The following OPCML variants were observed in gnomAD, a reference collection of about 807,000 sequenced individuals.
OPCML encodes opioid binding protein/cell adhesion molecule like.
A neutral mutation model predicts 37.8 loss-of-function variants in OPCML; 13 were observed. The ratio of observed to expected loss-of-function variants is 0.34; its 90% confidence interval spans 0.22 to 0.55. The LOEUF (loss-of-function observed/expected upper bound fraction) is 0.55. Ranked by LOEUF, OPCML falls within the 20% of genes least tolerant of loss-of-function variation. The pLI is 0.91. For missense variants in OPCML, 341 were observed against 435.6 expected (o/e 0.78, Z 1.93); for synonymous variants, 176 against 168.8 (o/e 1.04, Z -0.33).
chr11:133,436,402 G>A (rs1346189685), intron 1 of OPCML, among the ~76,000 whole-genome samples: 3 of 152,110 alleles, frequency 2.0e-5, no homozygotes, highest in African/African-American at 4.8e-5. Flanking sequence ...CTCATCCCAA[G>A]GCTTTTATAT....
intron 1 of OPCML, among the ~76,000 whole-genome samples, chr11:133,495,056 CT>C (rs994277933): frequency 7.2e-5 from 11 of 151,732 alleles, no homozygotes; most frequent in Non-Finnish European, 1.0e-4. Flanking sequence ...CCCTTGCCCC[CT>C]GCCACTCTTT....
At chr11:132,433,207 G>A (rs1353361258) in intron 7 of OPCML, among the ~76,000 whole-genome samples, 1 of 152,186 alleles carries the variant, frequency 6.6e-6, no homozygotes, top group Admixed American at 6.5e-5. Flanking sequence ...GCGATAGCAT[G>A]GGCCATGTCA....
intron 1 of OPCML, chr11:133,361,393 G>A (rs1172813952): frequency 6.6e-6 from 1 of 152,476 alleles, no homozygotes; most frequent in African/African-American, 2.4e-5. Flanking sequence ...CCAACGTCGG[G>A]GTCACTGTGC....
At chr11:133,505,654 A>T (rs1484022636) in intron 1 of OPCML, among the ~76,000 whole-genome samples, 1 of 152,228 alleles carries the variant, frequency 6.6e-6, no homozygotes, top group Admixed American at 6.5e-5. Flanking sequence ...ATTGGCCTCC[A>T]GTGCCCCTGT....
At chr11:133,334,679 C>A (rs1324588873) in intron 1 of OPCML, among the ~76,000 whole-genome samples, 1 of 152,090 alleles carries the variant, frequency 6.6e-6, no homozygotes, top group Non-Finnish European at 1.5e-5. Context: ...ACACTTTAAC[C>A]CATTGGCCTC....
At chr11:133,372,022 G>T (rs964611544) in intron 1 of OPCML, among the ~76,000 whole-genome samples, 1 of 152,098 alleles carries the variant, frequency 6.6e-6, no homozygotes, top group African/African-American at 2.4e-5. Context: ...GGCTGAGAAG[G>T]GTGTGGGGGG....
chr11:132,507,612 T>TG (rs1009761518), intron 4 of OPCML, among the ~76,000 whole-genome samples: 2 of 151,728 alleles, frequency 1.3e-5, no homozygotes, highest in African/African-American at 4.8e-5. Context: ...TTTTTAAAAT[T>TG]GCCAAAAAAT....
chr11:133,222,299 T>C (rs903677839), intron 1 of OPCML, among the ~76,000 whole-genome samples: 1 of 152,162 alleles, frequency 6.6e-6, no homozygotes, highest in Admixed American at 6.5e-5. Context: ...GTTTCAGAGA[T>C]GCAGGGTGGT....
intron 1 of OPCML, among the ~76,000 whole-genome samples, chr11:132,953,281 T>C (rs1945901982): frequency 6.6e-6 from 1 of 152,148 alleles, no homozygotes; most frequent in African/African-American, 2.4e-5. Context: ...AGAACTGATG[T>C]CCACTCTCCA....
Position 132,419,461 on chromosome 11 carries a change from A to G in OPCML, c.*732T>C, listed in dbSNP as rs2095949841. 1 of 152,206 alleles carries G rather than the reference A, an allele frequency of 6.6e-6. No homozygotes were observed. The highest frequency in any genetic ancestry group is 2.4e-5 in the African/African-American group (1 of 41,464). The allele number at this position is 152,206 out of a possible 1,614,324, so 9.4% of individuals were successfully genotyped here. Reference sequence around the variant, plus strand: ...TGAGTTGAACTTCTCTTTTTAAAATAGAGGTTCTATCTTCAAAATGCCTCC... The same window carrying G: ...TGAGTTGAACTTCTCTTTTTAAAATGGAGGTTCTATCTTCAAAATGCCTCC... On this transcript the variant is annotated 3_prime_UTR_variant, in exon 8 of 8. Transcript: ENST00000524381.
chr11:133,337,854 A>G (rs1310506990), intron 1 of OPCML, among the ~76,000 whole-genome samples: 1 of 152,170 alleles, frequency 6.6e-6, no homozygotes, highest in African/African-American at 2.4e-5. Flanking sequence ...ACAAGATGAT[A>G]TGAATATTAC....
chr11:133,436,455 T>C (rs1591497401), intron 1 of OPCML, among the ~76,000 whole-genome samples: 1 of 152,142 alleles, frequency 6.6e-6, no homozygotes. Context: ...AATCCACATA[T>C]TGCATGAGTT....
intron 2 of OPCML, among the ~76,000 whole-genome samples, chr11:132,675,898 ATCAACATTTCAGCTGGC>A (rs1373810068): frequency 1.2e-4 from 18 of 152,282 alleles, no homozygotes; most frequent in Non-Finnish European, 2.6e-4. Flanking sequence ...TGCAGTCTTT[ATCAACATTTCAGCTGGC>A]TTCTTGGCAG....
chr11:133,454,995 T>A lies in OPCML; in HGVS notation c.61+77269A>T, dbSNP rs571228933. Among the ~76,000 whole-genome samples the A allele has an allele frequency of 7.2e-5, 11 of 152,304 alleles. No individual in the cohort carries two copies. The South Asian group carries it at 2.3e-3, about 32-fold the overall frequency. The stretch of plus-strand genomic sequence containing the variant: ...TTCACCTTTTTTTTCCCATCTGGAT[T>A]ATTGATTTTCACCTTTGGAAGTTTG... On this transcript the variant is annotated intron_variant, in intron 1 of 7. Transcript: ENST00000524381.
At chr11:133,289,323 C>T (rs1395580886) in intron 1 of OPCML, among the ~76,000 whole-genome samples, 1 of 152,046 alleles carries the variant, frequency 6.6e-6, no homozygotes, top group African/African-American at 2.4e-5. Flanking sequence ...TGGCCGGGCG[C>T]GGTGGCTCAC....
At chr11:133,475,017 G>C (rs564249323) in intron 1 of OPCML, among the ~76,000 whole-genome samples, 1 of 152,252 alleles carries the variant, frequency 6.6e-6, no homozygotes, top group African/African-American at 2.4e-5. Context: ...AAAGTTTTTG[G>C]CAATCCGTGG....
chr11:133,256,831 ATG>A (rs1291253007), intron 1 of OPCML, among the ~76,000 whole-genome samples: 2 of 152,368 alleles, frequency 1.3e-5, no homozygotes, highest in East Asian at 3.9e-4. Context: ...TATTATTATC[ATG>A]CATTGCTTTA....
intron 2 of OPCML, among the ~76,000 whole-genome samples, chr11:132,883,021 G>A (rs1943273436): frequency 6.6e-6 from 1 of 152,228 alleles, no homozygotes; most frequent in African/African-American, 2.4e-5. Context: ...TGCTTCAGCT[G>A]CGACAGTTGA....
At chr11:133,002,042 T>C (rs186820346) in intron 1 of OPCML, among the ~76,000 whole-genome samples, 98 of 152,304 alleles carry the variant, frequency 6.4e-4, no homozygotes, top group Middle Eastern at 3.4e-3. Flanking sequence ...TTGAAAGTGA[T>C]ACAATAAATA....
Sources: gnomAD v4.1 joint callset for allele counts (sites outside exome capture counted in the v4.1 genomes callset) on GRCh38, gnomAD v4.1.1 for gene constraint, MANE v1.5 for transcripts, NCBI Gene and HGNC (gene_info 2026-07-23, HGNC 2026-07-21) for gene names.